Variants in HIVEP3 observed in about 807,000 individuals in gnomAD.
HIVEP3 encodes HIVEP zinc finger 3, also known as transcription factor HIVEP3.
In HIVEP3, 49 loss-of-function variants were observed where a neutral mutation model predicts 152.8. That is an observed-to-expected ratio of 0.32 (90% CI 0.26 to 0.41). The LOEUF (loss-of-function observed/expected upper bound fraction) is 0.41. Ranked by LOEUF, HIVEP3 falls within the 10% of genes least tolerant of loss-of-function variation. The pLI, the probability that HIVEP3 is intolerant of heterozygous loss-of-function variation, is 1.00. For synonymous variants in HIVEP3, 1,269 were observed against 1,289.0 expected (o/e 0.98, Z 0.33); for missense variants, 2,790 against 3,103.3 (o/e 0.90, Z 2.40).
At chr1:41,769,993 G>C (rs1163288408) in intron 1 of HIVEP3, among the ~76,000 whole-genome samples, 1 of 152,302 alleles carries the variant, frequency 6.6e-6, no homozygotes, top group African/African-American at 2.4e-5. Flanking sequence ...TTTTGAGACA[G>C]AGTCTCCCTC....
At chr1:41,884,366 C>A (rs1432464124) in intron 1 of HIVEP3, among the ~76,000 whole-genome samples, 1 of 152,250 alleles carries the variant, frequency 6.6e-6, no homozygotes, top group Non-Finnish European at 1.5e-5. Flanking sequence ...CACTTCCCTG[C>A]TCAGCTGAGC....
rs560038461 is a variant in HIVEP3, at chr1:41,571,590, G to A, written c.5207+3954C>T. Among the ~76,000 whole-genome samples, 16 of 152,346 alleles carry A rather than the reference G, an allele frequency of 1.1e-4. No homozygotes were observed. The South Asian group carries it at 2.9e-3, about 28-fold the overall frequency. Reference sequence around the variant, plus strand: ...ATTACCCCAGGACCCAAGTCAAGAAGGGACTTGGGAGGAGACAGAAATGGA... The same window carrying A: ...ATTACCCCAGGACCCAAGTCAAGAAAGGACTTGGGAGGAGACAGAAATGGA... On this transcript the variant is annotated intron_variant, in intron 5 of 8. Coordinates refer to ENST00000372583, the MANE Select transcript of HIVEP3 (RefSeq NM_024503.5).
At chr1:42,007,045 C>T (rs1356184687) in intron 1 of HIVEP3, among the ~76,000 whole-genome samples, 4 of 152,156 alleles carry the variant, frequency 2.6e-5, no homozygotes, top group Admixed American at 2.6e-4. Context: ...TCCACGTGTA[C>T]AGAAGCTTCT....
chr1:41,537,409 C>G (rs981133457), intron 5 of HIVEP3, among the ~76,000 whole-genome samples: 3 of 152,208 alleles, frequency 2.0e-5, no homozygotes, highest in Admixed American at 2.0e-4. Context: ...GCAATGCACA[C>G]ACTGTTGCTC....
chr1:41,523,996 T>C (rs1409024688), intron 6 of HIVEP3, among the ~76,000 whole-genome samples: 5 of 152,222 alleles, frequency 3.3e-5, no homozygotes, highest in African/African-American at 9.6e-5. Context: ...AGCTCCTTTG[T>C]CCACACCAGG....
chr1:41,832,603 A>C (rs1642996443), intron 1 of HIVEP3, among the ~76,000 whole-genome samples: 1 of 152,172 alleles, frequency 6.6e-6, no homozygotes, highest in South Asian at 2.1e-4. Flanking sequence ...AGGGGACAGA[A>C]ATTTGCTTAT....
chr1:41,814,242 A>G (rs1651128003), intron 1 of HIVEP3, among the ~76,000 whole-genome samples: 1 of 152,182 alleles, frequency 6.6e-6, no homozygotes, highest in African/African-American at 2.4e-5. Flanking sequence ...CTCAGCCAGC[A>G]CTCAGCAGAC....
At chr1:41,567,444 G>A (rs528857265) in intron 5 of HIVEP3, among the ~76,000 whole-genome samples, 51 of 152,346 alleles carry the variant, frequency 3.3e-4, no homozygotes, top group African/African-American at 1.1e-3. Flanking sequence ...ATAGCCCAGT[G>A]TGGGCTCATG....
intron 1 of HIVEP3, among the ~76,000 whole-genome samples, chr1:41,964,366 C>A (rs1273482624): frequency 1.3e-5 from 2 of 152,178 alleles, no homozygotes; most frequent in Non-Finnish European, 2.9e-5. Context: ...TGTGCTACCC[C>A]ACCTGGGAAA....
At chr1:41,722,507 C>G in intron 1 of HIVEP3, among the ~76,000 whole-genome samples, 1 of 143,280 alleles carries the variant, frequency 7.0e-6, no homozygotes, top group African/African-American at 2.6e-5. Context: ...CCTTCCCTTC[C>G]CTTCCCTCCT....
intron 2 of HIVEP3, among the ~76,000 whole-genome samples, chr1:41,656,002 G>A (rs1202726875): frequency 6.6e-6 from 1 of 152,158 alleles, no homozygotes; most frequent in Non-Finnish European, 1.5e-5. Context: ...AGGTGGCTCA[G>A]AGCCCTTTGG....
chr1:41,592,165 T>C (rs1401809028), intron 3 of HIVEP3, among the ~76,000 whole-genome samples: 1 of 152,120 alleles, frequency 6.6e-6, no homozygotes, highest in Admixed American at 6.5e-5. Context: ...TGGGGGTTGG[T>C]CTGTGGGTTT....
At chr1:41,611,486 A>G (rs986132281) in intron 3 of HIVEP3, among the ~76,000 whole-genome samples, 1 of 152,222 alleles carries the variant, frequency 6.6e-6, no homozygotes, top group East Asian at 1.9e-4. Flanking sequence ...CAGGCCGGCA[A>G]TGTTTTTACA....
chr1:41,584,009 C>T lies in HIVEP3; in HGVS notation c.789G>A (p.Leu263=). The T allele has an allele frequency of 6.2e-7, 1 of 1,614,196 alleles. No homozygotes were observed. The highest frequency in any genetic ancestry group is 8.5e-7 in the Non-Finnish European group (1 of 1,180,036). Reference sequence around the variant, plus strand: ...CTTCCCCAGGGATCCGCTCCATCTCCAGCCCATGTGGGTACATCTCGCCAC... The same window carrying T: ...CTTCCCCAGGGATCCGCTCCATCTCTAGCCCATGTGGGTACATCTCGCCAC... ...GMGGEMYPHG[L]EMERIPGEEF... The change falls in exon 4 of 9, where the codon CTG becomes CTA. Residue 263 remains leucine (L), a synonymous_variant. Transcript: ENST00000372583. This position sits in a 1 kb window ranked among gnomAD's most constrained non-coding sequence, Gnocchi z 5.2.
intron 1 of HIVEP3, among the ~76,000 whole-genome samples, chr1:41,821,872 C>T (rs1642613016): frequency 6.6e-6 from 1 of 152,160 alleles, no homozygotes; most frequent in Non-Finnish European, 1.5e-5. Flanking sequence ...GATCATGCTG[C>T]AACAGGACAT....
chr1:41,625,694 C>T (rs1645107632), intron 3 of HIVEP3, among the ~76,000 whole-genome samples: 1 of 152,036 alleles, frequency 6.6e-6, no homozygotes, highest in Admixed American at 6.6e-5. Context: ...ATGATCACAC[C>T]ACTATACTCT....
chr1:41,570,768 G>A (rs1644240844), intron 5 of HIVEP3, among the ~76,000 whole-genome samples: 1 of 152,210 alleles, frequency 6.6e-6, no homozygotes, highest in Admixed American at 6.5e-5. Context: ...TGCAAGGTGA[G>A]GGTCATCATT....
Position 41,513,225 on chromosome 1 carries a change from G to A in HIVEP3, c.5996C>T (p.Pro1999Leu), listed in dbSNP as rs141921424. ...KNDSSPQRCS[P>L]AREPQASAPS... The stretch of plus-strand genomic sequence containing the variant: ...GGCTGAGGCCTGTGGTTCTCGGGCC[G>A]GGGAGCATCGCTGGGGAGATGAGTC... The change falls in exon 8 of 9, where the codon CCG becomes CTG. Residue 1999 changes from proline (P) to leucine (L), a missense_variant. Coordinates refer to ENST00000372583, the MANE Select transcript of HIVEP3 (RefSeq NM_024503.5). 5.0e-5 allele frequency: 80 copies of A among 1,613,680 alleles called. No individual in the cohort carries two copies. Among genetic ancestry groups the A allele is most frequent in the Middle Eastern group, 3.3e-4 (2 of 6,058 alleles).
At chr1:41,751,086 G>A (rs1647154506) in intron 1 of HIVEP3, among the ~76,000 whole-genome samples, 1 of 152,166 alleles carries the variant, frequency 6.6e-6, no homozygotes, top group African/African-American at 2.4e-5. Context: ...CGAAGTTCAT[G>A]TCTAGGCTCT....
Sources: allele counts gnomAD v4.1 joint callset (sites outside exome capture counted in the v4.1 genomes callset), GRCh38; gene constraint gnomAD v4.1.1; non-coding constraint Gnocchi (gnomAD v3.1); transcripts MANE v1.5; gene names NCBI Gene and HGNC (gene_info 2026-07-23, HGNC 2026-07-21).